Variants in CDH13 observed in about 807,000 individuals in gnomAD.
CDH13 encodes cadherin-13.
In CDH13, 24 loss-of-function variants were observed where a neutral mutation model predicts 63.8. The ratio of observed to expected loss-of-function variants is 0.38; its 90% CI spans 0.27 to 0.53. The LOEUF (loss-of-function observed/expected upper bound fraction) is 0.53, where lower values mean the gene tolerates loss of function less well. Among genes scored for constraint, CDH13 ranks in the 20% least tolerant of loss-of-function variants. CDH13 has a pLI of 0.85. For missense variants in CDH13, 1,049 were observed against 903.1 expected, an observed-to-expected ratio of 1.16 and a Z score of -2.07; for synonymous variants, 503 against 355.3, an observed-to-expected ratio of 1.42 and a Z score of -4.67.
At chr16:83,134,831 A>T (rs933800521) in intron 4 of CDH13, among the ~76,000 whole-genome samples, 3 of 152,188 alleles carry the variant, frequency 2.0e-5, no homozygotes, top group Admixed American at 2.0e-4. Context: ...AAATACATAT[A>T]TATGCAAAAC....
chr16:83,548,559 G>T (rs1380784925), intron 7 of CDH13, among the ~76,000 whole-genome samples: 1 of 152,146 alleles, frequency 6.6e-6, no homozygotes, highest in Non-Finnish European at 1.5e-5. Flanking sequence ...AAGGTGAAAG[G>T]TCATGCCATT....
At chr16:83,743,941 C>G (rs963294206) in intron 10 of CDH13, among the ~76,000 whole-genome samples, 2 of 151,830 alleles carry the variant, frequency 1.3e-5, no homozygotes, top group Admixed American at 6.6e-5. Flanking sequence ...CCCCTGGAAT[C>G]CAGCATGCTG....
chr16:82,973,372 G>C (rs1909045562), intron 2 of CDH13, among the ~76,000 whole-genome samples: 1 of 152,130 alleles, frequency 6.6e-6, no homozygotes, highest in Non-Finnish European at 1.5e-5. Context: ...AGCCTGTTTG[G>C]GTGTCCTTAG....
At chr16:82,730,030 T>C (rs1441472917) in intron 1 of CDH13, among the ~76,000 whole-genome samples, 1 of 152,218 alleles carries the variant, frequency 6.6e-6, no homozygotes, top group East Asian at 1.9e-4. Flanking sequence ...GTTAGGGCTG[T>C]GGATTAGGTG....
At chr16:83,765,538 CTATATA>C (rs71717215) in intron 11 of CDH13, among the ~76,000 whole-genome samples, 6 of 150,890 alleles carry the variant, frequency 4.0e-5, no homozygotes, top group South Asian at 2.1e-4. Flanking sequence ...TAACATTTTT[CTATATA>C]TATATATATA....
chr16:83,152,410 A>G (rs1444288966), intron 4 of CDH13, among the ~76,000 whole-genome samples: 2 of 152,272 alleles, frequency 1.3e-5, no homozygotes, highest in Non-Finnish European at 2.9e-5. Flanking sequence ...TTATAAAACA[A>G]TATTATAGCA....
chr16:82,695,000 G>C (rs2030087229), intron 1 of CDH13, among the ~76,000 whole-genome samples: 1 of 152,128 alleles, frequency 6.6e-6, no homozygotes, highest in African/African-American at 2.4e-5. Context: ...GCATGTGTGT[G>C]GGGAGGGTGG....
intron 1 of CDH13, among the ~76,000 whole-genome samples, chr16:82,724,393 C>T (rs547667392): frequency 1.3e-5 from 2 of 152,196 alleles, no homozygotes; most frequent in South Asian, 2.1e-4. Context: ...TATGACTAGT[C>T]CTTTTTAATT....
At chr16:82,756,861 T>G (rs1299027657) in intron 1 of CDH13, among the ~76,000 whole-genome samples, 1 of 152,218 alleles carries the variant, frequency 6.6e-6, no homozygotes, top group Non-Finnish European at 1.5e-5. Context: ...TTGTCATTAT[T>G]AAAGCACTTT....
At chr16:83,706,355 T>C (rs1205840532) in intron 10 of CDH13, among the ~76,000 whole-genome samples, 4 of 152,180 alleles carry the variant, frequency 2.6e-5, no homozygotes, top group Non-Finnish European at 4.4e-5. Flanking sequence ...AAGGCCGTCA[T>C]AAACGCTAAC....
At chr16:82,908,941 C>T (rs1394238988) in intron 2 of CDH13, among the ~76,000 whole-genome samples, 1 of 152,068 alleles carries the variant, frequency 6.6e-6, no homozygotes, top group Non-Finnish European at 1.5e-5. Flanking sequence ...AGGAGGGTCA[C>T]TTTTTCATAC....
At chr16:83,747,445 G>A (rs1199313220) in intron 10 of CDH13, among the ~76,000 whole-genome samples, 1 of 152,082 alleles carries the variant, frequency 6.6e-6, no homozygotes. Context: ...ATGATTGCGA[G>A]GCCTCCTTAG....
intron 6 of CDH13, among the ~76,000 whole-genome samples, chr16:83,401,235 G>C (rs1597933032): frequency 6.6e-6 from 1 of 151,886 alleles, no homozygotes. Context: ...CTACTTTGGG[G>C]GGCTGAGGCA....
intron 5 of CDH13, among the ~76,000 whole-genome samples, chr16:83,283,889 A>T (rs1316154226): frequency 6.6e-6 from 1 of 152,034 alleles, no homozygotes; most frequent in Non-Finnish European, 1.5e-5. Flanking sequence ...CTGGGGATAT[A>T]ATTTTATTAA....
At chr16:83,693,076 C>T (rs1007908048) in intron 10 of CDH13, among the ~76,000 whole-genome samples, 2 of 152,154 alleles carry the variant, frequency 1.3e-5, no homozygotes, top group Non-Finnish European at 2.9e-5. Context: ...GAGTGAGACT[C>T]CATCTCGAAG....
intron 7 of CDH13, among the ~76,000 whole-genome samples, chr16:83,554,778 C>G (rs1444086694): frequency 6.6e-6 from 1 of 152,118 alleles, no homozygotes; most frequent in Non-Finnish European, 1.5e-5. Context: ...ATCTTTGTAG[C>G]CAGCAATAAC....
chr16:83,487,442 C>G (rs977886809), intron 7 of CDH13, among the ~76,000 whole-genome samples: 1 of 152,130 alleles, frequency 6.6e-6, no homozygotes, highest in Non-Finnish European at 1.5e-5. Flanking sequence ...GTCTGCTGTC[C>G]CCTTTAGATG....
chr16:83,448,014 G>T (rs1454147652), intron 6 of CDH13, among the ~76,000 whole-genome samples: 1 of 152,146 alleles, frequency 6.6e-6, no homozygotes, highest in African/African-American at 2.4e-5. Context: ...ATAGGAACTT[G>T]CCTGGAGCAG....
intron 5 of CDH13, among the ~76,000 whole-genome samples, chr16:83,323,024 G>A (rs948289076): frequency 2.6e-5 from 4 of 151,910 alleles, no homozygotes; most frequent in African/African-American, 4.8e-5. Flanking sequence ...CCCCTACCCT[G>A]TAGGGGGCCA....
Sources: gnomAD v4.1 joint callset for allele counts (sites outside exome capture counted in the v4.1 genomes callset) on GRCh38, gnomAD v4.1.1 for gene constraint, MANE v1.5 for transcripts, NCBI Gene and HGNC (gene_info 2026-07-23, HGNC 2026-07-21) for gene names.